Variants in PTK2 observed in about 807,000 individuals in gnomAD.
PTK2 encodes the protein focal adhesion kinase 1.
In PTK2, 45 loss-of-function variants were observed where a neutral mutation model predicts 150.1. That is an observed-to-expected ratio of 0.30 (90% CI 0.24 to 0.38). PTK2 has a LOEUF of 0.38. Among genes scored for constraint, PTK2 ranks in the 10% least tolerant of loss-of-function variants. The pLI is 1.00. For synonymous variants in PTK2, 432 were observed against 449.2 expected (o/e 0.96, Z 0.48); for missense variants, 919 against 1,307.3 (o/e 0.70, Z 4.58).
chr8:140,712,896 C>T (rs1427263605), intron 23 of PTK2, among the ~76,000 whole-genome samples: 7 of 152,192 alleles, frequency 4.6e-5, no homozygotes, highest in Admixed American at 2.6e-4. Context: ...ACCTCTTTCT[C>T]TTTTGAGAAA....
intron 12 of PTK2, among the ~76,000 whole-genome samples, chr8:140,793,768 G>T (rs1446739723): frequency 6.6e-6 from 1 of 152,208 alleles, no homozygotes; most frequent in Non-Finnish European, 1.5e-5. Context: ...AAAAACCTGT[G>T]CAGGAAGCAC....
intron 5 of PTK2, among the ~76,000 whole-genome samples, chr8:140,863,300 G>A (rs573446140): frequency 2.0e-5 from 3 of 152,040 alleles, no homozygotes; most frequent in African/African-American, 7.2e-5. Context: ...TGATTGAAGA[G>A]CCTCTAAACA....
At chr8:140,946,899 T>C (rs1431910200) in intron 1 of PTK2, among the ~76,000 whole-genome samples, 1 of 152,188 alleles carries the variant, frequency 6.6e-6, no homozygotes, top group Non-Finnish European at 1.5e-5. Context: ...TCCTGAATTG[T>C]AAAGTCATAG....
At chr8:140,691,862 G>A (rs1036394283) in intron 26 of PTK2, among the ~76,000 whole-genome samples, 6 of 152,326 alleles carry the variant, frequency 3.9e-5, no homozygotes, top group South Asian at 4.1e-4. Flanking sequence ...CAAGAGATAT[G>A]TTATAGACGA....
At chr8:140,982,679 T>C (rs11780023) in intron 1 of PTK2, among the ~76,000 whole-genome samples, 54,271 of 152,092 alleles carry the variant, frequency 0.36, 11,797 homozygotes, top group Non-Finnish European at 0.49. Context: ...GCAGCAGAGC[T>C]ATATTCAATT....
chr8:140,879,455 C>T lies in PTK2; in HGVS notation c.362+16G>A, dbSNP rs766345819. ...AAATCAAGTGTGCATCACACCAAAG[C>T]AGGTTTGTATCTTACTTCCACTCCT... On this transcript the variant is annotated intron_variant, in intron 4 of 31. Coordinates refer to ENST00000522684, the Ensembl canonical transcript of PTK2. 6.3e-7 allele frequency: 1 copy of T among 1,584,648 alleles called. No homozygotes were observed. Among genetic ancestry groups the T allele is most frequent in the Non-Finnish European group, 8.6e-7 (1 of 1,166,556 alleles).
chr8:140,702,722 G>A lies in PTK2; in HGVS notation c.2230-15C>T. On this transcript the variant is annotated splice_polypyrimidine_tract_variant and intron_variant, in intron 24 of 31. Transcript: ENST00000522684. ...TAGCCAGAAACCTGTGAATGAGTAA[G>A]GAGGCAAGGTAATGTTCAACTATAA... 6.2e-7 allele frequency: 1 copy of A among 1,612,452 alleles called. No individual in the cohort carries two copies. Among genetic ancestry groups the A allele is most frequent in the South Asian group, 1.1e-5 (1 of 90,936 alleles).
At chr8:140,779,733 T>C (rs2100080598) in intron 14 of PTK2, among the ~76,000 whole-genome samples, 2 of 152,270 alleles carry the variant, frequency 1.3e-5, no homozygotes, top group South Asian at 4.1e-4. Flanking sequence ...CAGGTATGAA[T>C]AGGGATAAAG....
exon 21 of PTK2, chr8:140,739,048 A>G: frequency 6.3e-7 from 1 of 1,581,214 alleles, no homozygotes; most frequent in Middle Eastern, 1.7e-4. Flanking sequence ...GCTGAGGTAA[A>G]ACGTCGAAAA....
intron 14 of PTK2, among the ~76,000 whole-genome samples, chr8:140,774,651 G>A (rs1248189695): frequency 6.6e-6 from 1 of 152,318 alleles, no homozygotes; most frequent in Admixed American, 6.5e-5. Flanking sequence ...GGATGAGACA[G>A]GAGGTTGATA....
intron 10 of PTK2, among the ~76,000 whole-genome samples, chr8:140,813,838 A>C (rs2100103060): frequency 6.6e-6 from 1 of 152,142 alleles, no homozygotes; most frequent in Non-Finnish European, 1.5e-5. Flanking sequence ...AGATGGAAAA[A>C]CCATTCCTGC....
intron 23 of PTK2, among the ~76,000 whole-genome samples, chr8:140,711,298 G>C (rs1052257718): frequency 6.6e-6 from 1 of 152,070 alleles, no homozygotes; most frequent in African/African-American, 2.4e-5. Flanking sequence ...GTACAGACAG[G>C]GTTTCGCCAT....
intron 4 of PTK2, among the ~76,000 whole-genome samples, chr8:140,874,623 T>C (rs947600076): frequency 3.9e-5 from 6 of 152,168 alleles, no homozygotes; most frequent in Non-Finnish European, 5.9e-5. Context: ...GGAAAAGTTA[T>C]TAAGCCTTTC....
At chr8:140,717,483 T>C (rs2100040386) in intron 23 of PTK2, 115 bp downstream of exon 26, 3 of 779,798 alleles carry the variant, frequency 3.8e-6, no homozygotes, top group Non-Finnish European at 6.6e-6. Context: ...GTTATAACTA[T>C]TACTCTTAGA....
chr8:140,997,651 T>G (rs548009664), intron 1 of PTK2, among the ~76,000 whole-genome samples: 1 of 152,346 alleles, frequency 6.6e-6, no homozygotes, highest in South Asian at 2.1e-4. Context: ...CTACGTCATG[T>G]ACATTAGCTG....
At chr8:140,716,272 C>T (rs1216722353) in intron 23 of PTK2, among the ~76,000 whole-genome samples, 1 of 152,148 alleles carries the variant, frequency 6.6e-6, no homozygotes. Context: ...CAGTACTGGA[C>T]TATTCTGCAG....
chr8:140,860,509 C>G (rs571229727), intron 5 of PTK2, among the ~76,000 whole-genome samples: 11 of 152,288 alleles, frequency 7.2e-5, no homozygotes, highest in Middle Eastern at 3.4e-3. Flanking sequence ...GGGCCTTGCT[C>G]TGTCGCCCAG....
chr8:140,678,617 G>T (rs1385445097), intron 27 of PTK2, among the ~76,000 whole-genome samples: 1 of 152,192 alleles, frequency 6.6e-6, no homozygotes, highest in African/African-American at 2.4e-5. Flanking sequence ...GCCTCCCCAA[G>T]TGCTGGGATT....
chr8:140,872,042 A>C (rs1201750353), intron 4 of PTK2, among the ~76,000 whole-genome samples: 1 of 152,086 alleles, frequency 6.6e-6, no homozygotes, highest in Non-Finnish European at 1.5e-5. Context: ...CCCTGTCTCT[A>C]CTAAAATACA....
Sources: allele counts gnomAD v4.1 joint callset (sites outside exome capture counted in the v4.1 genomes callset), GRCh38; gene constraint gnomAD v4.1.1; transcripts MANE v1.5; gene names NCBI Gene and HGNC (gene_info 2026-07-23, HGNC 2026-07-21).